The following TRAF3IP3 variants were observed in gnomAD, a reference collection of about 807,000 sequenced individuals.
TRAF3IP3 encodes the protein TRAF3 interacting protein 3, also known as TRAF3-interacting JNK-activating modulator.
TRAF3IP3 carries 64 observed loss-of-function variants against 86.5 expected under a neutral mutation model. That is an observed-to-expected ratio of 0.74 (90% CI 0.60 to 0.91). TRAF3IP3 has a LOEUF of 0.91. Among genes scored for constraint, TRAF3IP3 ranks in the 40% least tolerant of loss-of-function variants. The pLI is 0.00. For missense variants in TRAF3IP3, 579 were observed against 642.9 expected, an observed-to-expected ratio of 0.90 and a Z score of 1.07; for synonymous variants, 220 against 243.9, an observed-to-expected ratio of 0.90 and a Z score of 0.91.
chr1:209,763,541 A>G lies in TRAF3IP3; in HGVS notation c.656A>G (p.Gln219Arg). Reference protein sequence around the residue: ...LVLKQKMVILQDLLSTLIQAS... With the variant: ...LVLKQKMVILRDLLSTLIQAS... ...CTAAAACAGAAAATGGTGATTCTCC[A>G]AGACCTACTGTCCACTCTGATTCAG... The change falls in exon 8 of 17, where the codon CAA becomes CGA. Residue 219 changes from glutamine to arginine, a missense_variant. Physicochemically the swap from Gln to Arg is conservative, Grantham distance 43. Transcript: ENST00000367025. 1 of 1,614,252 alleles carries G rather than the reference A, an allele frequency of 6.2e-7. No individual in the cohort carries two copies. The highest frequency in any genetic ancestry group is 2.2e-5 in the East Asian group (1 of 44,892).
At chr1:209,779,122 A>C in intron 13 of TRAF3IP3, 193 bp from the exon 14 acceptor site, 1 of 599,192 alleles carries the variant, frequency 1.7e-6, no homozygotes, top group South Asian at 2.1e-5. Flanking sequence ...CTTTTAAAGA[A>C]TCTATCTCCA....
chr1:209,757,081 T>G (rs2077166832), intron 1 of TRAF3IP3, among the ~76,000 whole-genome samples: 1 of 152,154 alleles, frequency 6.6e-6, no homozygotes, highest in Non-Finnish European at 1.5e-5. Context: ...GGTCCAGATA[T>G]CCCAGAAACC....
chr1:209,769,651 G>A (rs1159583599), intron 8 of TRAF3IP3, among the ~76,000 whole-genome samples: 1 of 152,206 alleles, frequency 6.6e-6, no homozygotes, highest in Non-Finnish European at 1.5e-5. Flanking sequence ...GCCTCTCCCA[G>A]GCACCCTGAA....
At position 209,781,411 on chromosome 1, in the gene TRAF3IP3, C is replaced by T; in HGVS notation, c.1516C>T (p.Gln506Ter). The T allele has an allele frequency of 6.2e-7, 1 of 1,613,688 alleles. No individual in the cohort carries two copies. The highest frequency in any genetic ancestry group is 8.5e-7 in the Non-Finnish European group (1 of 1,179,704). The change falls in exon 16 of 17, where the codon CAG becomes TAG. Residue 506 changes from glutamine (Q) to a stop codon, truncating the protein, a stop_gained. Transcript: ENST00000367025. LOFTEE classifies it high-confidence loss of function. ...GTATCTCTCCTGCCTGCGTAAGCTG[C>T]AGCACTGTCGAGAAGAGCTGAACCA... ...DEYLSCLRKL[Q>*]HCREELNQSQ...
rs375124406 is a variant in TRAF3IP3, at chr1:209,778,095, A to G, written c.1190-16A>G. On this transcript the variant is annotated splice_polypyrimidine_tract_variant and intron_variant, in intron 12 of 16. Transcript: ENST00000367025. ...CTTGGGTTCCTTTATTTTGGCTTGC[A>G]TTATTGCATTTTCAGATCAACTAAA... The G allele has an allele frequency of 5.0e-5, 81 of 1,613,222 alleles. No individual in the cohort carries two copies. In the Admixed American group the frequency reaches 1.3e-3, roughly 26 times the overall value.
chr1:209,757,073 T>C (rs2077166684), intron 1 of TRAF3IP3, among the ~76,000 whole-genome samples: 1 of 152,146 alleles, frequency 6.6e-6, no homozygotes, highest in African/African-American at 2.4e-5. Context: ...GTCAGTAGGG[T>C]CCAGATATCC....
At chr1:209,768,631 C>G in intron 8 of TRAF3IP3, 3 of 985,828 alleles carry the variant, frequency 3.0e-6, no homozygotes, top group Non-Finnish European at 3.6e-6. Flanking sequence ...CACGCAGAAG[C>G]AGGAGCTGAA....
intron 8 of TRAF3IP3, among the ~76,000 whole-genome samples, chr1:209,765,590 C>T (rs2077342093): frequency 6.6e-6 from 1 of 152,122 alleles, no homozygotes; most frequent in African/African-American, 2.4e-5. Flanking sequence ...TCTCTTACGT[C>T]CCAGGGGTGG....
In TRAF3IP3 at chr1:209,781,505, T is replaced by A. The variant is rs1407327589; in HGVS notation, c.1563+47T>A. On this transcript the variant is annotated intron_variant, in intron 16 of 16. Transcript: ENST00000367025. Reference sequence around the variant, plus strand: ...ATAAAGCCCTGGATGATGGGACGATTCCTTCTTTAACCAAGTTTTGCACAT... The same window carrying A: ...ATAAAGCCCTGGATGATGGGACGATACCTTCTTTAACCAAGTTTTGCACAT... The A allele has an allele frequency of 2.1e-6, 3 of 1,423,218 alleles. No homozygotes were observed. In the South Asian group the frequency reaches 3.5e-5, roughly 16 times the overall value. The allele number at this position is 1,423,218 out of a possible 1,614,324, so 88.2% of individuals were successfully genotyped here.
chr1:209,776,384 T>C (rs1483635652), intron 11 of TRAF3IP3: 3 of 152,156 alleles, frequency 2.0e-5, no homozygotes, highest in Admixed American at 2.0e-4. Flanking sequence ...TTTGCATAGA[T>C]TTATTTACCT....
intron 8 of TRAF3IP3, among the ~76,000 whole-genome samples, chr1:209,769,395 C>T (rs2077420441): frequency 6.6e-6 from 1 of 152,372 alleles, no homozygotes; most frequent in Admixed American, 6.5e-5. Context: ...TTCCATCGGT[C>T]CCAAAGCCCT....
chr1:209,760,519 GAGCTACTTATAGTAAAGTTGCCAAC>G (rs973975924), intron 3 of TRAF3IP3, 135 bp downstream of exon 3: 1 of 743,838 alleles, frequency 1.3e-6, no homozygotes, highest in African/African-American at 1.8e-5. Context: ...AAGTTGCCAA[GAGCTACTTATAGTAAAGTTGCCAAC>G]AGCTACTTAT....
chr1:209,781,779 G>T, intron 16 of TRAF3IP3: 2 of 501,116 alleles, frequency 4.0e-6, no homozygotes, highest in South Asian at 5.1e-5. Flanking sequence ...TACAAAGAAA[G>T]AATATAATTT....
At chr1:209,763,202 G>A in intron 6 of TRAF3IP3, 110 bp downstream of exon 6, 3 of 1,398,598 alleles carry the variant, frequency 2.1e-6, no homozygotes, top group Non-Finnish European at 1.0e-6. Flanking sequence ...CTTCCTGGAT[G>A]GCAAGGGGGT....
In TRAF3IP3 at chr1:209,775,710, C is replaced by T. The variant is rs41307652; in HGVS notation, c.1027C>T (p.Leu343Phe). Residue 343 changes from leucine to phenylalanine, a missense_variant, in exon 11 of 17, where the codon CTC (leucine) becomes TTC (phenylalanine). Physicochemically the swap from Leu to Phe is conservative, Grantham distance 22. Coordinates refer to ENST00000367025, the MANE Select transcript of TRAF3IP3 (RefSeq NM_025228.4). ...CCAGCACAGGGAGCTGGAGAGCCAA[C>T]TCCACGTGCTTCAGTCCAAACTGCA... ...GTQHRELESQ[L>F]HVLQSKLQGA... is the part of the protein sequence containing the mutation. 7,876 of 1,613,288 alleles carry T rather than the reference C, an allele frequency of 4.9e-3. 25 individuals are homozygous for T. Among genetic ancestry groups the T allele is most frequent in the Non-Finnish European group, 5.9e-3 (6,952 of 1,179,776 alleles).
At chr1:209,779,280 G>T in intron 13 of TRAF3IP3, 35 bp from the exon 14 acceptor site, 1 of 1,598,822 alleles carries the variant, frequency 6.3e-7, no homozygotes, top group Non-Finnish European at 8.6e-7. Flanking sequence ...TAGTAAATAT[G>T]CTAGCATAGA....
chr1:209,760,267 G>T lies in TRAF3IP3; in HGVS notation c.228G>T (p.Lys76Asn), dbSNP rs1211516715. The change falls in exon 3 of 17, where the codon AAG becomes AAT. Residue 76 changes from lysine (K) to asparagine (N), a missense_variant. Coordinates refer to ENST00000367025, the MANE Select transcript of TRAF3IP3 (RefSeq NM_025228.4). ...FRRRNLELEE[K>N]GKAQHPQARE... Reference sequence around the variant, plus strand: ...GGAGGAACCTGGAGCTAGAGGAGAAGGGCAAAGCGCAGCATCCCCAGGCCA... The same window carrying T: ...GGAGGAACCTGGAGCTAGAGGAGAATGGCAAAGCGCAGCATCCCCAGGCCA... 6.2e-7 allele frequency: 1 copy of T among 1,614,256 alleles called. No homozygotes were observed. Among genetic ancestry groups the T allele is most frequent in the Admixed American group, 1.7e-5 (1 of 60,030 alleles).
chr1:209,777,184 G>A, intron 11 of TRAF3IP3, 168 bp from the exon 12 acceptor site: 1 of 520,776 alleles, frequency 1.9e-6, no homozygotes. Flanking sequence ...AAAGCAAAGG[G>A]AAGAAATAGG....
At position 209,765,290 on chromosome 1, in the gene TRAF3IP3, A is replaced by AAGGAAGGAAGG. The variant is rs1558013372; in HGVS notation, c.702+1704_702+1705insGGAAGGAAGGA. Among the ~76,000 whole-genome samples, 3 of 87,888 alleles carry AAGGAAGGAAGG rather than the reference A, an allele frequency of 3.4e-5. 1 individual carries two copies. Among genetic ancestry groups the AAGGAAGGAAGG allele is most frequent in the Admixed American group, 3.3e-4 (3 of 9,200 alleles). 57.7% of individuals were successfully genotyped at this position (87,888 alleles called of 152,430 possible). A position where few individuals can be genotyped will look rare whatever the true frequency, so the allele number is the denominator to read the frequency against. Reference sequence around the variant, plus strand: ...GGAAGGAAGGAAGGAAGGAAGGAAGAAATTAAGATAGAAATTGAGAAAGAA... The same window carrying AAGGAAGGAAGG: ...GGAAGGAAGGAAGGAAGGAAGGAAGAAGGAAGGAAGGAATTAAGATAGAAATTGAGAAAGAA... On this transcript the variant is annotated intron_variant, in intron 8 of 16. Transcript: ENST00000367025.
Sources: gnomAD v4.1 joint callset for allele counts (sites outside exome capture counted in the v4.1 genomes callset) on GRCh38, gnomAD v4.1.1 for gene constraint, MANE v1.5 for transcripts, NCBI Gene and HGNC (gene_info 2026-07-23, HGNC 2026-07-21) for gene names.